FREM1: variants seen among roughly 807,000 people sequenced by gnomAD.
The protein encoded by FREM1 is FRAS1-related extracellular matrix protein 1.
FREM1 carries 220 observed loss-of-function variants against 210.1 expected under a neutral mutation model. That is an observed-to-expected ratio of 1.05 (90% CI 0.94 to 1.17). The LOEUF is 1.17. FREM1 is among the 50% of genes most tolerant of loss of function. FREM1 has a pLI of 0.00. For missense variants in FREM1, 3,454 were observed against 2,675.5 expected, an observed-to-expected ratio of 1.29 and a Z score of -6.42; for synonymous variants, 1,189 against 980.2, an observed-to-expected ratio of 1.21 and a Z score of -3.98.
chr9:14,826,471 T>C (rs1316657445), intron 10 of FREM1, among the ~76,000 whole-genome samples: 2 of 152,224 alleles, frequency 1.3e-5, no homozygotes, highest in African/African-American at 4.8e-5. Context: ...TACTGGTCCT[T>C]GACCACACTT....
At position 14,860,860 on chromosome 9, in the gene FREM1, T is replaced by A. The variant is rs1379545186; in HGVS notation, c.330-1376A>T. On this transcript the variant is annotated intron_variant, in intron 3 of 36. Transcript: ENST00000380880. ...GTATATATACATATATACGTATATA[T>A]ACACATATATATACGTATATATACA... Among the ~76,000 whole-genome samples the A allele has an allele frequency of 6.3e-5, 5 of 78,744 alleles. 1 individual carries two copies. Among genetic ancestry groups the A allele is most frequent in the Admixed American group, 5.6e-4 (4 of 7,126 alleles). 51.7% of individuals were successfully genotyped at this position (78,744 alleles called of 152,430 possible).
chr9:14,848,800 C>G, intron 6 of FREM1, 27 bp from the exon 7 acceptor site: 1 of 1,388,090 alleles, frequency 7.2e-7, no homozygotes, highest in East Asian at 2.3e-5. Context: ...GCAAAGGAGC[C>G]ACACACTGAA....
Position 14,814,712 on chromosome 9 carries a change from C to T in FREM1, c.2641-1648G>A, listed in dbSNP as rs189649915. ...AATTCAGTGATGACCATCTTGCAGC[C>T]GTTCACAAAAGAGTCTCAGCTTTCA... On this transcript the variant is annotated intron_variant, in intron 15 of 36. Transcript: ENST00000380880. Among the ~76,000 whole-genome samples, 74 of 152,132 alleles carry T rather than the reference C, an allele frequency of 4.9e-4. 1 individual carries two copies. Among genetic ancestry groups the T allele is most frequent in the African/African-American group, 1.2e-3 (51 of 41,514 alleles).
chr9:14,753,206 C>A (rs1239999740), intron 29 of FREM1, among the ~76,000 whole-genome samples: 2 of 152,222 alleles, frequency 1.3e-5, no homozygotes, highest in East Asian at 3.8e-4. Context: ...ACAGAGGTGT[C>A]ATTTTATGCA....
chr9:14,816,869 T>C lies in FREM1; in HGVS notation c.2549A>G (p.Tyr850Cys). ...WGDLHTLKVR[Y>C]QHDGTEVLQD... The stretch of plus-strand genomic sequence containing the variant: ...AAGAACTTCAGTTCCATCATGTTGA[T>C]ACCTGTGGGGATAATATTTGTCACC... Residue 850 changes from tyrosine to cysteine, a missense_variant and splice_region_variant, in exon 15 of 37, where the codon TAT (tyrosine) becomes TGT (cysteine). Physicochemically the swap from Tyr to Cys is radical, Grantham distance 194 (BLOSUM62 -2). Coordinates refer to ENST00000380880, the MANE Select transcript of FREM1 (RefSeq NM_001379081.2). The C allele has an allele frequency of 7.7e-7, 1 of 1,298,496 alleles. No individual in the cohort carries two copies. Among genetic ancestry groups the C allele is most frequent in the South Asian group, 1.9e-5 (1 of 53,094 alleles). 80.4% of individuals were successfully genotyped at this position (1,298,496 alleles called of 1,614,324 possible). A position where few individuals can be genotyped will look rare whatever the true frequency, so the allele number is the denominator to read the frequency against.
intron 1 of FREM1, among the ~76,000 whole-genome samples, chr9:14,876,107 G>T (rs1341568788): frequency 9.2e-5 from 14 of 152,158 alleles, no homozygotes; most frequent in Non-Finnish European, 1.9e-4. Context: ...CTCCCAGTTA[G>T]GCTGCTCGGG....
chr9:14,776,076 G>A lies in FREM1; in HGVS notation c.4570C>T (p.Leu1524=), dbSNP rs778108714. ...GLRLAQGAVG[L]LSPDLLQLTD... Reference sequence around the variant, plus strand: ...AGCTGAAGGAGGTCAGGGGAAAGCAGGCCCACGGCCCCTTGGGCCAGTCTC... The same window carrying A: ...AGCTGAAGGAGGTCAGGGGAAAGCAAGCCCACGGCCCCTTGGGCCAGTCTC... The change falls in exon 25 of 37, where the codon CTG becomes TTG. Residue 1524 remains leucine (L), a synonymous_variant. Transcript: ENST00000380880. 6.8e-6 allele frequency: 11 copies of A among 1,613,256 alleles called. No homozygotes were observed. The highest frequency in any genetic ancestry group is 3.3e-5 in the South Asian group (3 of 91,052).
chr9:14,812,771 G>A, intron 16 of FREM1, 41 bp downstream of exon 16: 3 of 1,564,750 alleles, frequency 1.9e-6, no homozygotes, highest in South Asian at 1.2e-5. Flanking sequence ...AGACTCTCAT[G>A]TTGCTTGCAT....
At position 14,750,218 on chromosome 9, in the gene FREM1, A is replaced by G. The variant is rs61741992; in HGVS notation, c.5466T>C (p.Asp1822=). ...AGTTCAGAATTACTTCAAAGACCTC[A>G]TCATCTTCCTCTAATCCGTCATAGG... The part of the protein sequence containing the change: ...AITYDGLEED[D]EVFEVILNSP... Residue 1822 remains aspartate (D), a synonymous_variant, in exon 30 of 37, where the codon GAT becomes GAC. Transcript: ENST00000380880. 9.4e-4 allele frequency: 1,520 copies of G among 1,613,332 alleles called. 16 individuals carry two copies. In the African/African-American group the frequency reaches 0.018, roughly 19 times the overall value.
chr9:14,834,904 G>GT (rs34699275), intron 10 of FREM1, among the ~76,000 whole-genome samples: 130,065 of 152,082 alleles, frequency 0.86, 56,106 homozygotes, highest in East Asian at 0.97. Context: ...GTTTTTAACT[G>GT]TAACTATCCT....
chr9:14,744,487 A>G (rs963407424), intron 35 of FREM1, among the ~76,000 whole-genome samples: 8 of 152,120 alleles, frequency 5.3e-5, no homozygotes, highest in Non-Finnish European at 1.2e-4. Context: ...ATGCAATCAT[A>G]TAATAAGTAT....
intron 10 of FREM1, among the ~76,000 whole-genome samples, chr9:14,837,585 C>G (rs1053468316): frequency 6.6e-6 from 1 of 152,146 alleles, no homozygotes; most frequent in Non-Finnish European, 1.5e-5. Context: ...GGAAAATGGT[C>G]TCTTTGAAGG....
rs182034722 is a variant in FREM1 at position 14,878,274 on chromosome 9, C to T, written c.-267-9030G>A. Reference sequence around the variant, plus strand: ...TGTCTTCCCTTTGCTGACCCTGTCCCAGCCACTCTAATATCTTTGCTTTTC... The same window carrying T: ...TGTCTTCCCTTTGCTGACCCTGTCCTAGCCACTCTAATATCTTTGCTTTTC... On this transcript the variant is annotated intron_variant, in intron 1 of 36. Transcript: ENST00000380880. 1.4e-3 allele frequency among the ~76,000 whole-genome samples: 214 copies of T among 152,184 alleles called. 1 individual carries two copies. Among genetic ancestry groups the T allele is most frequent in the Non-Finnish European group, 4.4e-4 (30 of 68,006 alleles).
chr9:14,787,596 C>T (rs1850618797), intron 23 of FREM1, among the ~76,000 whole-genome samples: 2 of 152,116 alleles, frequency 1.3e-5, no homozygotes, highest in Admixed American at 1.3e-4. Context: ...ATGACATCCC[C>T]TAATTTTCTT....
rs543760924 is a variant in FREM1 at position 14,741,365 on chromosome 9, A to C, written c.6255-1131T>G. Reference sequence around the variant, plus strand: ...ATTTTTAAAGGATTTCCCTCTACTAATAACAGTATTTTGCTGCTGTCTGAT... The same window carrying C: ...ATTTTTAAAGGATTTCCCTCTACTACTAACAGTATTTTGCTGCTGTCTGAT... On this transcript the variant is annotated intron_variant, in intron 35 of 36. Transcript: ENST00000380880. Among the ~76,000 whole-genome samples the C allele has an allele frequency of 3.9e-5, 6 of 152,290 alleles. No homozygotes were observed. The South Asian group carries it at 1.2e-3, about 32-fold the overall frequency.
chr9:14,750,064 T>C, intron 30 of FREM1, 63 bp downstream of exon 30: 15 of 1,556,572 alleles, frequency 9.6e-6, no homozygotes, highest in African/African-American at 1.4e-5. Flanking sequence ...ACGTTGGCTG[T>C]TGAAGGCAAG....
chr9:14,780,202 C>T (rs902333544), intron 24 of FREM1, among the ~76,000 whole-genome samples: 1 of 152,044 alleles, frequency 6.6e-6, no homozygotes, highest in African/African-American at 2.4e-5. Context: ...TGTTTAATTT[C>T]CCTTGTTACA....
intron 6 of FREM1, among the ~76,000 whole-genome samples, chr9:14,849,698 T>G (rs1199920090): frequency 6.6e-6 from 1 of 152,232 alleles, no homozygotes; most frequent in Non-Finnish European, 1.5e-5. Flanking sequence ...TGCATTCGGT[T>G]GGGCCCTGGC....
intron 22 of FREM1, among the ~76,000 whole-genome samples, chr9:14,792,076 C>G (rs1249831258): frequency 6.6e-6 from 1 of 152,128 alleles, no homozygotes; most frequent in Non-Finnish European, 1.5e-5. Flanking sequence ...ATCTCCTGAC[C>G]TTGTGATCCG....
Sources: allele counts gnomAD v4.1 joint callset (sites outside exome capture counted in the v4.1 genomes callset), GRCh38; gene constraint gnomAD v4.1.1; transcripts MANE v1.5; gene names NCBI Gene and HGNC (gene_info 2026-07-23, HGNC 2026-07-21).